TIAM1: variants seen among roughly 807,000 people sequenced by gnomAD.
TIAM1 encodes the protein rho guanine nucleotide exchange factor TIAM1.
In TIAM1, 65 loss-of-function variants were observed where a neutral mutation model predicts 163.5. The observed-to-expected ratio is 0.40, with a 90% confidence interval of 0.33 to 0.49. The LOEUF (loss-of-function observed/expected upper bound fraction) is 0.49. Among genes scored for constraint, TIAM1 ranks in the 20% least tolerant of loss-of-function variants. TIAM1 has a pLI of 0.77. For missense variants in TIAM1, 1,789 were observed against 2,044.7 expected, an observed-to-expected ratio of 0.87 and a Z score of 2.41; for synonymous variants, 833 against 810.1, an observed-to-expected ratio of 1.03 and a Z score of -0.48.
At chr21:31,455,279 C>T (rs1473222597) in intron 2 of TIAM1, among the ~76,000 whole-genome samples, 2 of 84,032 alleles carry the variant, frequency 2.4e-5, no homozygotes, top group East Asian at 9.2e-4. Flanking sequence ...AACTCTGCCT[C>T]AAAAAAAAAA....
intron 2 of TIAM1, among the ~76,000 whole-genome samples, chr21:31,362,468 T>TTATTAC (rs2076423948): frequency 6.7e-6 from 1 of 148,620 alleles, no homozygotes; most frequent in Non-Finnish European, 1.5e-5. Context: ...ATTATTATTA[T>TTATTAC]TATTATTATT....
chr21:31,255,314 G>C (rs1027264159), intron 4 of TIAM1, among the ~76,000 whole-genome samples: 1 of 152,190 alleles, frequency 6.6e-6, no homozygotes, highest in African/African-American at 2.4e-5. Flanking sequence ...CCAGCCCATT[G>C]AGAAACGGAT....
At chr21:31,183,648 T>G (rs901051227) in intron 14 of TIAM1, among the ~76,000 whole-genome samples, 4 of 151,672 alleles carry the variant, frequency 2.6e-5, no homozygotes, top group Non-Finnish European at 5.9e-5. Flanking sequence ...CTTCACAGAG[T>G]CACATGCCCT....
intron 1 of TIAM1, among the ~76,000 whole-genome samples, chr21:31,465,424 G>T (rs1427081472): frequency 3.3e-5 from 5 of 151,846 alleles, no homozygotes; most frequent in Non-Finnish European, 7.4e-5. Context: ...ATAAGGGAGG[G>T]AACAGCTTTC....
intron 2 of TIAM1, among the ~76,000 whole-genome samples, chr21:31,321,149 G>A (rs534328791): frequency 6.6e-6 from 1 of 150,528 alleles, no homozygotes; most frequent in African/African-American, 2.5e-5. Context: ...GAAGGGGGCG[G>A]GGGGGGATGA....
intron 27 of TIAM1, among the ~76,000 whole-genome samples, chr21:31,121,836 C>G (rs2082013857): frequency 6.6e-6 from 1 of 152,188 alleles, no homozygotes; most frequent in African/African-American, 2.4e-5. Context: ...CACACATACA[C>G]GAGACTGCTC....
chr21:31,302,002 A>T (rs1487730745), intron 2 of TIAM1, among the ~76,000 whole-genome samples: 1 of 151,482 alleles, frequency 6.6e-6, no homozygotes, highest in Non-Finnish European at 1.5e-5. Context: ...TATAAAACAT[A>T]TATAAAATGG....
chr21:31,327,269 G>A (rs769204477), intron 2 of TIAM1, among the ~76,000 whole-genome samples: 2 of 152,110 alleles, frequency 1.3e-5, no homozygotes, highest in African/African-American at 2.4e-5. Context: ...TTTTAGCCAC[G>A]CTTGAACTCA....
chr21:31,319,697 A>C (rs1161272894), intron 2 of TIAM1, among the ~76,000 whole-genome samples: 1 of 149,912 alleles, frequency 6.7e-6, no homozygotes, highest in East Asian at 2.0e-4. Context: ...GGAGAATGGC[A>C]TGAACCCGGG....
At chr21:31,505,112 G>A (rs1372958878) in intron 1 of TIAM1, among the ~76,000 whole-genome samples, 1 of 152,192 alleles carries the variant, frequency 6.6e-6, no homozygotes, top group African/African-American at 2.4e-5. Flanking sequence ...ATCCCATGGT[G>A]TGTAGCTAAG....
intron 1 of TIAM1, among the ~76,000 whole-genome samples, chr21:31,509,749 C>T (rs2047149958): frequency 1.3e-5 from 2 of 152,180 alleles, no homozygotes; most frequent in African/African-American, 4.8e-5. Context: ...CCTTCCCTTG[C>T]AACAAAGACG....
chr21:31,242,015 C>CAATTA (rs1409194751), intron 6 of TIAM1, among the ~76,000 whole-genome samples: 2 of 151,872 alleles, frequency 1.3e-5, no homozygotes, highest in African/African-American at 4.8e-5. Flanking sequence ...ATCTCTAAAA[C>CAATTA]AATTAAATAA....
At chr21:31,460,273 G>A (rs561466502) in intron 2 of TIAM1, among the ~76,000 whole-genome samples, 2 of 152,164 alleles carry the variant, frequency 1.3e-5, no homozygotes, top group East Asian at 1.9e-4. Context: ...CATCTCCTTC[G>A]ACCACACACA....
chr21:31,202,216 T>C (rs919650578), intron 12 of TIAM1, among the ~76,000 whole-genome samples: 3 of 152,062 alleles, frequency 2.0e-5, no homozygotes, highest in Non-Finnish European at 4.4e-5. Flanking sequence ...ATTAGCACTG[T>C]TTTCTGTAAC....
chr21:31,548,132 CTTTTTT>C (rs553946414), intron 1 of TIAM1, among the ~76,000 whole-genome samples: 5 of 74,992 alleles, frequency 6.7e-5, no homozygotes, highest in Admixed American at 3.7e-4. Flanking sequence ...TTATTTGTGT[CTTTTTT>C]TTTTTTTTTT....
At chr21:31,341,907 G>C (rs988571740) in intron 1 of TIAM1, among the ~76,000 whole-genome samples, 1 of 152,096 alleles carries the variant, frequency 6.6e-6, no homozygotes, top group African/African-American at 2.4e-5. Flanking sequence ...ATCGAAGTTG[G>C]TTCTTCCAAA....
intron 1 of TIAM1, among the ~76,000 whole-genome samples, chr21:31,473,462 A>C (rs1200107901): frequency 1.6e-5 from 2 of 124,250 alleles, no homozygotes; most frequent in Admixed American, 1.6e-4. Context: ...AAAAAAAAAA[A>C]AAAACATGGC....
chr21:31,250,454 C>T (rs2071740177), intron 5 of TIAM1, among the ~76,000 whole-genome samples: 1 of 152,198 alleles, frequency 6.6e-6, no homozygotes, highest in South Asian at 2.1e-4. Flanking sequence ...AACGCAAGTC[C>T]TACTTGTGCA....
intron 2 of TIAM1, among the ~76,000 whole-genome samples, chr21:31,309,701 A>C (rs1694445450): frequency 6.6e-6 from 1 of 152,198 alleles, no homozygotes; most frequent in South Asian, 2.1e-4. Context: ...GATCAGTGAG[A>C]AACTCAGGAC....
Sources: allele counts gnomAD v4.1 joint callset (sites outside exome capture counted in the v4.1 genomes callset), GRCh38; gene constraint gnomAD v4.1.1; transcripts MANE v1.5; gene names NCBI Gene and HGNC (gene_info 2026-07-23, HGNC 2026-07-21).